IQCN: variants seen among roughly 807,000 people sequenced by gnomAD.
The protein encoded by IQCN is IQ domain-containing protein N.
A neutral mutation model predicts 64.4 loss-of-function variants in IQCN; 46 were observed. The ratio of observed to expected loss-of-function variants is 0.71; its 90% CI spans 0.56 to 0.91. The LOEUF is 0.91. Ranked by LOEUF, IQCN falls within the 40% of genes least tolerant of loss-of-function variation. The pLI is 0.00. For missense variants in IQCN, 1,753 were observed against 1,857.4 expected (o/e 0.94, Z 1.03); for synonymous variants, 733 against 775.6 (o/e 0.95, Z 0.91).
rs771767512 is a variant in IQCN, at chr19:18,265,482, C to T, written c.2058G>A (p.Pro686=). Residue 686 remains proline, a synonymous_variant, in exon 3 of 4, where the codon CCG becomes CCA. Transcript: ENST00000392413. The surrounding 1 kb of genome is among the most constrained non-coding windows in gnomAD (Gnocchi z 4.7). ...GTCCCTGAGATGAGGCCTTGGTCAGCGGGGCGGCCAGTGGTCTCTGGGACA... is the reference window on the plus strand; with the variant it reads ...GTCCCTGAGATGAGGCCTTGGTCAGTGGGGCGGCCAGTGGTCTCTGGGACA... ...PCLSQRPLAA[P]LTKASSQGHL... The T allele has an allele frequency of 6.8e-6, 11 of 1,612,900 alleles. No individual in the cohort carries two copies. The highest frequency in any genetic ancestry group is 2.2e-5 in the South Asian group (2 of 91,058).
chr19:18,267,110 G>T lies in IQCN; in HGVS notation c.430C>A (p.His144Asn), dbSNP rs1023525713. Residue 144 changes from histidine (H) to asparagine (N), a missense_variant, in exon 3 of 4, where the codon CAC becomes AAC. By Grantham distance (68) the His-to-Asn change is moderately conservative. Coordinates refer to ENST00000392413, the MANE Select transcript of IQCN (RefSeq NM_001145304.2). ...AACGACTTGCTGGAGTGAAGGATGT[G>T]TCTCTTGTTGAAGCGCCGCCAGGCC... ...QEAWRRFNKRHILHSSKSLVK... is the reference protein window; with the variant it reads ...QEAWRRFNKRNILHSSKSLVK... The T allele has an allele frequency of 6.2e-7, 1 of 1,614,232 alleles. No individual in the cohort carries two copies. Among genetic ancestry groups the T allele is most frequent in the Non-Finnish European group, 8.5e-7 (1 of 1,180,046 alleles).
Position 18,258,072 on chromosome 19 carries a change from G to A in IQCN, c.3212C>T (p.Ser1071Leu), listed in dbSNP as rs138479193. Residue 1071 changes from serine to leucine, a missense_variant, in exon 4 of 4, where the codon TCG becomes TTG. Coordinates refer to ENST00000392413, the MANE Select transcript of IQCN (RefSeq NM_001145304.2). ...GGCTGGCTCCCATGCGCGGTTCCAC[G>A]ATTGGCCACCAACCACACCAGCGTC... ...PADAGVVGGQ[S>L]WNRAWEPARG... 2.2e-4 allele frequency: 362 copies of A among 1,612,026 alleles called. 2 individuals carry two copies. Among genetic ancestry groups the A allele is most frequent in the Non-Finnish European group, 1.3e-4 (154 of 1,180,004 alleles).
chr19:18,265,175 C>A lies in IQCN; in HGVS notation c.2365G>T (p.Gly789Cys), dbSNP rs115880323. The change falls in exon 3 of 4, where the codon GGT (glycine) becomes TGT (cysteine). Residue 789 changes from glycine (G) to cysteine (C), a missense_variant. Physicochemically the swap from Gly to Cys is radical, Grantham distance 159 (BLOSUM62 -3). Coordinates refer to ENST00000392413, the MANE Select transcript of IQCN (RefSeq NM_001145304.2). This position sits in a 1 kb window ranked among gnomAD's most constrained non-coding sequence, Gnocchi z 4.7. ...KVSNHACQRLGGLSAPPWAKP... is the reference protein window; with the variant it reads ...KVSNHACQRLCGLSAPPWAKP... ...GCCCAGGGTGGGGCGCTGAGGCCAC[C>A]GAGGCGCTGGCAGGCGTGGTTGGAC... 6.2e-7 allele frequency: 1 copy of A among 1,609,358 alleles called. No homozygotes were observed. Among genetic ancestry groups the A allele is most frequent in the South Asian group, 1.1e-5 (1 of 91,076 alleles).
At position 18,264,589 on chromosome 19, in the gene IQCN, C is replaced by A; in HGVS notation, c.2951G>T (p.Trp984Leu). 6.4e-7 allele frequency: 1 copy of A among 1,551,492 alleles called. No individual in the cohort carries two copies. Among genetic ancestry groups the A allele is most frequent in the Non-Finnish European group, 8.7e-7 (1 of 1,146,976 alleles). ...ACACAGGGCCTGGCTCAGAGCCACC[C>A]ACTCCTCCTCCGTCAAAGCCTTGCT... is the stretch of plus-strand genomic sequence containing the variant. ...VLSKALTEEE[W>L]VALSQALCQG... is the part of the protein sequence containing the mutation. Residue 984 changes from tryptophan to leucine, a missense_variant, in exon 3 of 4, where the codon TGG becomes TTG. Transcript: ENST00000392413. The surrounding 1 kb of genome is among the most constrained non-coding windows in gnomAD (Gnocchi z 4.3).
chr19:18,266,378 T>C lies in IQCN; in HGVS notation c.1162A>G (p.Thr388Ala). The C allele has an allele frequency of 6.2e-7, 1 of 1,607,922 alleles. No individual in the cohort carries two copies. Among genetic ancestry groups the C allele is most frequent in the South Asian group, 1.1e-5 (1 of 90,218 alleles). The change falls in exon 3 of 4, where the codon ACC becomes GCC. Residue 388 changes from threonine to alanine, a missense_variant. Transcript: ENST00000392413. This position sits in a 1 kb window ranked among gnomAD's most constrained non-coding sequence, Gnocchi z 4.3. ...PAQMYPGPTV[T>A]KTAPHTCPMP... ...GGGCATGTGTGAGGTGCAGTTTTGG[T>C]CACTGTGGGCCCCGGATACATCTGG...
At chr19:18,262,799 C>G (rs1969459651) in intron 3 of IQCN, among the ~76,000 whole-genome samples, 1 of 152,184 alleles carries the variant, frequency 6.6e-6, no homozygotes, top group African/African-American at 2.4e-5. Context: ...CCCTACTGGC[C>G]AGTGTAGCCT....
In IQCN at chr19:18,267,449, A is replaced by G. The variant is rs1375442148; in HGVS notation, c.91T>C (p.Trp31Arg). ...ATVHEPVVTQ[W>R]AVHPPAPAHP... ...GCGGGGGCTGGAGGATGCACCGCCC[A>G]CTGGGTGACAACTGGCTCGTGAACT... The change falls in exon 3 of 4, where the codon TGG (tryptophan) becomes CGG (arginine). Residue 31 changes from tryptophan (W) to arginine (R), a missense_variant. By Grantham distance (101) the Trp-to-Arg change is moderately radical. Transcript: ENST00000392413. 1.9e-6 allele frequency: 3 copies of G among 1,547,904 alleles called. No individual in the cohort carries two copies. The highest frequency in any genetic ancestry group is 4.5e-5 in the East Asian group (2 of 44,446).
chr19:18,257,765 G>C lies in IQCN; in HGVS notation c.3519C>G (p.Tyr1173Ter). Residue 1173 changes from tyrosine (Y) to a stop codon, truncating the protein, a stop_gained, in exon 4 of 4, where the codon TAC becomes TAG. Transcript: ENST00000392413. LOFTEE classifies it low-confidence loss of function (END_TRUNC). ...TTTIQSAWRG[Y>*]STRRDQARHW... ...GCCGGGCTTGGTCCCGGCGGGTGCTGTAGCCGCGCCAGGCAGACTGGATGG... is the reference window on the plus strand; with the variant it reads ...GCCGGGCTTGGTCCCGGCGGGTGCTCTAGCCGCGCCAGGCAGACTGGATGG... 1 of 1,610,828 alleles carries C rather than the reference G, an allele frequency of 6.2e-7. No homozygotes were observed. Among genetic ancestry groups the C allele is most frequent in the South Asian group, 1.1e-5 (1 of 90,942 alleles).
chr19:18,269,263 T>C (rs1486064874), intron 2 of IQCN, among the ~76,000 whole-genome samples: 7 of 151,732 alleles, frequency 4.6e-5, no homozygotes, highest in Non-Finnish European at 8.8e-5. Context: ...AGGGGATGGG[T>C]AGGTAAATGG....
In IQCN at chr19:18,265,842, C is replaced by A; in HGVS notation, c.1698G>T (p.Val566=). 2 of 1,614,172 alleles carry A rather than the reference C, an allele frequency of 1.2e-6. No individual in the cohort carries two copies. Among genetic ancestry groups the A allele is most frequent in the Non-Finnish European group, 8.5e-7 (1 of 1,180,040 alleles). Residue 566 remains valine, a synonymous_variant, in exon 3 of 4, where the codon GTG becomes GTT. Transcript: ENST00000392413. The surrounding 1 kb of genome is among the most constrained non-coding windows in gnomAD (Gnocchi z 4.7). ...ATVNVKQAAK[V]VKASSPSYLA... is the part of the protein sequence containing the mutation. ...AATAGGAGGGGGATGAGGCTTTCAC[C>A]ACCTTTGCAGCCTGCTTCACATTCA...
At position 18,265,501 on chromosome 19, in the gene IQCN, T is replaced by C; in HGVS notation, c.2039A>G (p.Gln680Arg). Residue 680 changes from glutamine to arginine, a missense_variant, in exon 3 of 4, where the codon CAG becomes CGG. Coordinates refer to ENST00000392413, the MANE Select transcript of IQCN (RefSeq NM_001145304.2). The surrounding 1 kb of genome is among the most constrained non-coding windows in gnomAD (Gnocchi z 4.7). ...SSQRHPPCLS[Q>R]RPLAAPLTKA... ...GGTCAGCGGGGCGGCCAGTGGTCTCTGGGACAGGCAGGGTGGATGTCTCTG... is the reference window on the plus strand; with the variant it reads ...GGTCAGCGGGGCGGCCAGTGGTCTCCGGGACAGGCAGGGTGGATGTCTCTG... The C allele has an allele frequency of 6.2e-7, 1 of 1,612,760 alleles. No individual in the cohort carries two copies. The highest frequency in any genetic ancestry group is 1.3e-5 in the African/African-American group (1 of 74,984).
chr19:18,266,824 G>C lies in IQCN; in HGVS notation c.716C>G (p.Pro239Arg). ...AARVRGLAFL[P>R]HQTVTIRFPC... ...AAATCTGATGGTGACCGTCTGGTGT[G>C]GCAGGAAGGCCAGCCCCCGGACTCT... The change falls in exon 3 of 4, where the codon CCA becomes CGA. Residue 239 changes from proline to arginine, a missense_variant. Transcript: ENST00000392413. The surrounding 1 kb of genome is among the most constrained non-coding windows in gnomAD (Gnocchi z 4.3). 1 of 1,614,134 alleles carries C rather than the reference G, an allele frequency of 6.2e-7. No individual in the cohort carries two copies. The highest frequency in any genetic ancestry group is 8.5e-7 in the Non-Finnish European group (1 of 1,180,012).
chr19:18,269,377 T>C (rs562867284), intron 2 of IQCN, 89 bp downstream of exon 2: 6 of 1,375,410 alleles, frequency 4.4e-6, no homozygotes, highest in African/African-American at 2.9e-5. Flanking sequence ...CCCTGATGCA[T>C]AGCCTGGAGC....
intron 3 of IQCN, chr19:18,260,642 A>G (rs73523118): frequency 0.27 from 40,493 of 152,718 alleles, 5,430 homozygotes; most frequent in Admixed American, 0.34. Flanking sequence ...TCTTGCCTGG[A>G]CTGGAGGCCA....
rs10451485 is a variant in IQCN, at chr19:18,257,519, G to A, written c.3765C>T (p.Thr1255=). 18,432 of 1,611,340 alleles carry A rather than the reference G, an allele frequency of 0.011. 1,737 individuals carry two copies. The African/African-American group carries it at 0.21, about 18-fold the overall frequency. The stretch of plus-strand genomic sequence containing the variant: ...GCTGTGTGCGTCCACAGGTATGACA[G>A]GTGCGAGGGCTGGAGCCCACTAGCA... ...VVMLVGSSPR[T]CHTCGRTQPT... is the part of the protein sequence containing the mutation. The change falls in exon 4 of 4, where the codon ACC becomes ACT. Residue 1255 remains threonine, a synonymous_variant. Coordinates refer to ENST00000392413, the MANE Select transcript of IQCN (RefSeq NM_001145304.2).
intron 1 of IQCN, among the ~76,000 whole-genome samples, chr19:18,270,757 A>G (rs1381260118): frequency 6.7e-6 from 1 of 149,674 alleles, no homozygotes; most frequent in South Asian, 2.2e-4. Context: ...GGTTCAAGTG[A>G]TTCTTGTGCC....
intron 3 of IQCN, among the ~76,000 whole-genome samples, chr19:18,263,686 C>CCTG (rs1969479850): frequency 6.6e-6 from 1 of 152,134 alleles, no homozygotes; most frequent in African/African-American, 2.4e-5. Context: ...GCCCTGGATG[C>CCTG]CTGCTGCTGG....
chr19:18,267,578 G>A (rs539990450), intron 2 of IQCN, 52 bp from the exon 3 acceptor site: 4 of 1,487,080 alleles, frequency 2.7e-6, no homozygotes, highest in African/African-American at 2.8e-5. Flanking sequence ...GCAAACAAGA[G>A]GTCTCCTGGC....
At chr19:18,273,203 T>A (rs1029916103) in intron 1 of IQCN, among the ~76,000 whole-genome samples, 1 of 151,888 alleles carries the variant, frequency 6.6e-6, no homozygotes, top group Admixed American at 6.6e-5. Flanking sequence ...GGCTAACTTT[T>A]GTATTTTTAG....
Sources: allele counts gnomAD v4.1 joint callset (sites outside exome capture counted in the v4.1 genomes callset), GRCh38; gene constraint gnomAD v4.1.1; non-coding constraint Gnocchi (gnomAD v3.1); transcripts MANE v1.5; gene names NCBI Gene and HGNC (gene_info 2026-07-23, HGNC 2026-07-21).